Variants in CEP78 observed in about 807,000 individuals in gnomAD.
The protein encoded by CEP78 is centrosomal protein of 78 kDa.
CEP78 carries 76 observed loss-of-function variants against 81.2 expected under a neutral mutation model. The observed-to-expected ratio is 0.94, with a 90% CI of 0.78 to 1.13. The LOEUF (loss-of-function observed/expected upper bound fraction) is 1.13, where lower values mean the gene tolerates loss of function less well. CEP78 is among the 50% of genes most tolerant of loss of function. CEP78 has a pLI of 0.00. For missense variants in CEP78, 918 were observed against 846.8 expected (o/e 1.08, Z -1.04); for synonymous variants, 293 against 301.4 (o/e 0.97, Z 0.29).
Position 78,243,519 on chromosome 9 carries a change from C to T in CEP78, c.661C>T (p.Pro221Ser), listed in dbSNP as rs745680180. ...GGCTGAGAGTCTTCGCTATAGGAGACCTGATCTTGACTGTATGGCTGGCTT... is the reference window on the plus strand; with the variant it reads ...GGCTGAGAGTCTTCGCTATAGGAGATCTGATCTTGACTGTATGGCTGGCTT... The part of the protein sequence containing the change: ...TWAESLRYRR[P>S]DLDCMAGLRR... Residue 221 changes from proline (P) to serine (S), a missense_variant, in exon 5 of 17, where the codon CCT becomes TCT. By Grantham distance (74) the Pro-to-Ser change is moderately conservative. Transcript: ENST00000643273. 3 of 1,613,740 alleles carry T rather than the reference C, an allele frequency of 1.9e-6. No individual in the cohort carries two copies. The highest frequency in any genetic ancestry group is 2.2e-5 in the South Asian group (2 of 91,072).
chr9:78,238,056 T>TGGAG (rs1233395979), intron 1 of CEP78, among the ~76,000 whole-genome samples: 5 of 136,654 alleles, frequency 3.7e-5, no homozygotes, highest in Non-Finnish European at 6.2e-5. Context: ...ACCCAGAAGG[T>TGGAG]GGAGGTCGCA....
At chr9:78,253,363 A>C in intron 10 of CEP78, 86 bp downstream of exon 10, 5 of 739,778 alleles carry the variant, frequency 6.8e-6, no homozygotes, top group South Asian at 1.6e-5. Context: ...AATTGAATAG[A>C]GTCGTAAGAA....
At position 78,272,242 on chromosome 9, in the gene CEP78, T is replaced by G. The variant is rs894392911; in HGVS notation, c.*1391T>G. On this transcript the variant is annotated 3_prime_UTR_variant, in exon 17 of 17. Coordinates refer to ENST00000643273, the MANE Select transcript of CEP78 (RefSeq NM_001330691.3). ...CAAGATGGGTTCTTTCTTAGGCTGG[T>G]CTTGAACTCCTGGCCTCAAATGATC... The G allele has an allele frequency of 3.3e-5, 5 of 152,326 alleles. No homozygotes were observed. Among genetic ancestry groups the G allele is most frequent in the African/African-American group, 4.8e-5 (2 of 41,414 alleles). The allele number at this position is 152,326 out of a possible 1,614,324, so 9.4% of individuals were successfully genotyped here.
At chr9:78,254,802 ATAT>A in intron 10 of CEP78, 31 bp from the exon 11 acceptor site, 9 of 1,564,560 alleles carry the variant, frequency 5.8e-6, no homozygotes, top group Non-Finnish European at 7.8e-6. Context: ...TATTCGGTTT[ATAT>A]TATTATACAA....
In CEP78 at chr9:78,276,027, C is replaced by T. The variant is rs367744345; in HGVS notation, c.*5176C>T. On this transcript the variant is annotated 3_prime_UTR_variant, in exon 17 of 17. Transcript: ENST00000643273. ...AGGATAGAAAAGAGATGTAAGGCTC[C>T]CTAATTCATTCCATACGGTTAGCGT... 6.6e-6 allele frequency: 1 copy of T among 152,140 alleles called. No individual in the cohort carries two copies. Among genetic ancestry groups the T allele is most frequent in the South Asian group, 2.1e-4 (1 of 4,832 alleles). 9.4% of individuals were successfully genotyped at this position (152,140 alleles called of 1,614,324 possible). A position where few individuals can be genotyped will look rare whatever the true frequency, so the allele number is the denominator to read the frequency against.
chr9:78,277,773 C>G lies in CEP78; in HGVS notation c.*6922C>G, dbSNP rs1456643058. On this transcript the variant is annotated 3_prime_UTR_variant, in exon 17 of 17. Coordinates refer to ENST00000643273, the MANE Select transcript of CEP78 (RefSeq NM_001330691.3). ...AGTGCCCAAAGAGTCAGATACAAGA[C>G]TGTGTGAAGTGTTTTTTGAGATAAT... The G allele has an allele frequency of 6.6e-6, 1 of 152,134 alleles. No homozygotes were observed. Among genetic ancestry groups the G allele is most frequent in the Non-Finnish European group, 1.5e-5 (1 of 68,012 alleles). The allele number at this position is 152,134 out of a possible 1,614,324, so 9.4% of individuals were successfully genotyped here. A position where few individuals can be genotyped will look rare whatever the true frequency, so the allele number is the denominator to read the frequency against.
At chr9:78,261,927 C>A (rs1303822430) in intron 11 of CEP78, among the ~76,000 whole-genome samples, 2 of 151,914 alleles carry the variant, frequency 1.3e-5, no homozygotes, top group East Asian at 1.9e-4. Flanking sequence ...AAAATATATG[C>A]CCTTTGAGAA....
rs1462254958 is a variant in CEP78, at chr9:78,279,407, C to G, written c.*8556C>G. The stretch of plus-strand genomic sequence containing the variant: ...CTAAATCTTACCTAAGAATTGAGTT[C>G]CTTATTGTAACCAGATAGGAGACAC... On this transcript the variant is annotated 3_prime_UTR_variant, in exon 17 of 17. Coordinates refer to ENST00000643273, the MANE Select transcript of CEP78 (RefSeq NM_001330691.3). 6.6e-6 allele frequency: 1 copy of G among 152,136 alleles called. No individual in the cohort carries two copies. Among genetic ancestry groups the G allele is most frequent in the Non-Finnish European group, 1.5e-5 (1 of 68,038 alleles). 9.4% of individuals were successfully genotyped at this position (152,136 alleles called of 1,614,324 possible).
At position 78,278,242 on chromosome 9, in the gene CEP78, G is replaced by T. The variant is rs557605189; in HGVS notation, c.*7391G>T. 6.6e-6 allele frequency: 1 copy of T among 151,904 alleles called. No individual in the cohort carries two copies. Among genetic ancestry groups the T allele is most frequent in the Non-Finnish European group, 1.5e-5 (1 of 67,978 alleles). 9.4% of individuals were successfully genotyped at this position (151,904 alleles called of 1,614,324 possible). A position where few individuals can be genotyped will look rare whatever the true frequency, so the allele number is the denominator to read the frequency against. On this transcript the variant is annotated 3_prime_UTR_variant, in exon 17 of 17. Coordinates refer to ENST00000643273, the MANE Select transcript of CEP78 (RefSeq NM_001330691.3). ...AAATGTGTACTCTGTTATCCTTTAC[G>T]CTCTGTCCATTTTTTTCTTCAAAAA...
intron 3 of CEP78, among the ~76,000 whole-genome samples, chr9:78,240,727 G>A (rs890424343): frequency 2.6e-5 from 4 of 152,142 alleles, no homozygotes; most frequent in East Asian, 3.9e-4. Context: ...TTGGGAGGCC[G>A]ACGTGGGCGG....
Position 78,272,362 on chromosome 9 carries a change from A to G in CEP78, c.*1511A>G, listed in dbSNP as rs948165790. ...GTTTAGATCAAATAAACTGATAAAGATATTGATAAAGATATGAGACAAACT... is the reference window on the plus strand; with the variant it reads ...GTTTAGATCAAATAAACTGATAAAGGTATTGATAAAGATATGAGACAAACT... On this transcript the variant is annotated 3_prime_UTR_variant, in exon 17 of 17. Coordinates refer to ENST00000643273, the MANE Select transcript of CEP78 (RefSeq NM_001330691.3). The G allele has an allele frequency of 1.3e-5, 2 of 152,232 alleles. No individual in the cohort carries two copies. The highest frequency in any genetic ancestry group is 6.5e-5 in the Admixed American group (1 of 15,282). The allele number at this position is 152,232 out of a possible 1,614,324, so 9.4% of individuals were successfully genotyped here. A position where few individuals can be genotyped will look rare whatever the true frequency, so the allele number is the denominator to read the frequency against.
Position 78,278,363 on chromosome 9 carries a change from T to C in CEP78, c.*7512T>C, listed in dbSNP as rs899268985. ...TCCTGAAGTGTTGGAGTCGCCTACA[T>C]GGCATAGTCAAATGTTTTTAACTTA... On this transcript the variant is annotated 3_prime_UTR_variant, in exon 17 of 17. Coordinates refer to ENST00000643273, the MANE Select transcript of CEP78 (RefSeq NM_001330691.3). 2.6e-5 allele frequency: 4 copies of C among 152,234 alleles called. No individual in the cohort carries two copies. The highest frequency in any genetic ancestry group is 5.9e-5 in the Non-Finnish European group (4 of 68,044). The allele number at this position is 152,234 out of a possible 1,614,324, so 9.4% of individuals were successfully genotyped here. A position where few individuals can be genotyped will look rare whatever the true frequency, so the allele number is the denominator to read the frequency against.
Position 78,236,408 on chromosome 9 carries a change from G to T in CEP78, c.58G>T (p.Glu20Ter), listed in dbSNP as rs1825933906. 1.3e-6 allele frequency: 2 copies of T among 1,597,952 alleles called. No homozygotes were observed. The highest frequency in any genetic ancestry group is 1.7e-6 in the Non-Finnish European group (2 of 1,172,944). ...CGCGGCGGACTTCTTCTCCCACTAC[G>T]AGTACCTGTGCGCGCTGCAGAACTC... is the stretch of plus-strand genomic sequence containing the variant. ...DSAADFFSHY[E>*]YLCALQNSVP... is the part of the protein sequence containing the mutation. The change falls in exon 1 of 17, where the codon GAG becomes TAG. Residue 20 changes from glutamate to a stop codon, truncating the protein, a stop_gained. Coordinates refer to ENST00000643273, the MANE Select transcript of CEP78 (RefSeq NM_001330691.3). LOFTEE classifies it high-confidence loss of function.
intron 12 of CEP78, 89 bp downstream of exon 12, chr9:78,263,073 TA>T (rs1827350535): frequency 3.2e-6 from 2 of 633,538 alleles, no homozygotes; most frequent in Non-Finnish European, 5.3e-6. Context: ...TTATAAACTT[TA>T]AAATGAGAAA....
At chr9:78,267,945 A>G (rs1029260075) in intron 16 of CEP78, among the ~76,000 whole-genome samples, 2 of 152,156 alleles carry the variant, frequency 1.3e-5, no homozygotes, top group Admixed American at 1.3e-4. Context: ...AAGGGCTACT[A>G]CAATACTACT....
chr9:78,250,871 A>G (rs1826727356), intron 8 of CEP78, among the ~76,000 whole-genome samples: 1 of 152,230 alleles, frequency 6.6e-6, no homozygotes, highest in Non-Finnish European at 1.5e-5. Flanking sequence ...AGACGTGTAT[A>G]AATTTGTCCA....
chr9:78,265,596 G>GA lies in CEP78; in HGVS notation c.1797+55dup, dbSNP rs1195921698. 3.5e-6 allele frequency: 5 copies of GA among 1,446,168 alleles called. No individual in the cohort carries two copies. The African/African-American group carries it at 7.1e-5, about 21-fold the overall frequency. The allele number at this position is 1,446,168 out of a possible 1,614,324, so 89.6% of individuals were successfully genotyped here. A position where few individuals can be genotyped will look rare whatever the true frequency, so the allele number is the denominator to read the frequency against. On this transcript the variant is annotated intron_variant, in intron 14 of 16. Transcript: ENST00000643273. ...TTCTACAAGTGATTAGCAAAAAAGG[G>GA]AATTACTAAGTCAGAGAGAAAAGAA...
Position 78,236,156 on chromosome 9 carries a change from G to T in CEP78, c.-195G>T. 1 of 567,956 alleles carries T rather than the reference G, an allele frequency of 1.8e-6. No homozygotes were observed. The highest frequency in any genetic ancestry group is 2.0e-5 in the African/African-American group (1 of 49,530). The allele number at this position is 567,956 out of a possible 1,614,324, so 35.2% of individuals were successfully genotyped here. A position where few individuals can be genotyped will look rare whatever the true frequency, so the allele number is the denominator to read the frequency against. ...CAGGGCGGGAGGCAGCGCGGGAGTGGGGCGTTGAGGGGCCGGCCTAGCTTG... is the reference window on the plus strand; with the variant it reads ...CAGGGCGGGAGGCAGCGCGGGAGTGTGGCGTTGAGGGGCCGGCCTAGCTTG... On this transcript the variant is annotated 5_prime_UTR_variant, in exon 1 of 17. Transcript: ENST00000643273.
At chr9:78,237,967 A>AG (rs2118075936) in intron 1 of CEP78, among the ~76,000 whole-genome samples, 1 of 150,170 alleles carries the variant, frequency 6.7e-6, no homozygotes, top group Admixed American at 6.6e-5. Flanking sequence ...AAAAAAAAAA[A>AG]AAAAAAAATT....
Sources: gnomAD v4.1 joint callset for allele counts (sites outside exome capture counted in the v4.1 genomes callset) on GRCh38, gnomAD v4.1.1 for gene constraint, MANE v1.5 for transcripts, NCBI Gene and HGNC (gene_info 2026-07-23, HGNC 2026-07-21) for gene names.